Variants in SPOCK3 observed in about 807,000 individuals in gnomAD.
The protein encoded by SPOCK3 is testican-3.
A neutral mutation model predicts 56.6 loss-of-function variants in SPOCK3; 30 were observed. The ratio of observed to expected loss-of-function variants is 0.53; its 90% confidence interval spans 0.40 to 0.72. The LOEUF (loss-of-function observed/expected upper bound fraction) is 0.72, where lower values mean the gene tolerates loss of function less well. Ranked by LOEUF, SPOCK3 falls within the 30% of genes least tolerant of loss-of-function variation. The pLI is 0.00. For missense variants in SPOCK3, 527 were observed against 530.0 expected (o/e 0.99, Z 0.06); for synonymous variants, 196 against 183.3 (o/e 1.07, Z -0.56).
intron 2 of SPOCK3, among the ~76,000 whole-genome samples, chr4:167,159,125 G>T (rs116781698): frequency 6.6e-6 from 1 of 151,814 alleles, no homozygotes; most frequent in South Asian, 2.1e-4. Context: ...ATAATCTGAG[G>T]TAAGTTGTTT....
chr4:167,179,437 C>T (rs914012224), intron 2 of SPOCK3, among the ~76,000 whole-genome samples: 22 of 152,130 alleles, frequency 1.4e-4, no homozygotes, highest in Admixed American at 1.4e-3. Flanking sequence ...TAATCTACTT[C>T]CCATTCTTTC....
chr4:166,791,115 G>A (rs1400718633), intron 7 of SPOCK3, among the ~76,000 whole-genome samples: 1 of 151,766 alleles, frequency 6.6e-6, no homozygotes. Context: ...AGAAATATAT[G>A]GATTAGTCAT....
intron 7 of SPOCK3, among the ~76,000 whole-genome samples, chr4:166,783,909 C>T (rs1472690806): frequency 6.6e-6 from 1 of 151,968 alleles, no homozygotes; most frequent in Non-Finnish European, 1.5e-5. Flanking sequence ...TATGTGGTAA[C>T]ATAAAATTTT....
intron 4 of SPOCK3, among the ~76,000 whole-genome samples, chr4:166,944,617 T>C (rs1741502852): frequency 1.3e-5 from 2 of 152,192 alleles, no homozygotes; most frequent in Non-Finnish European, 2.9e-5. Flanking sequence ...AGAATGTTTC[T>C]CAGTTTGGGT....
At chr4:167,031,763 C>T (rs902787369) in intron 3 of SPOCK3, among the ~76,000 whole-genome samples, 1 of 151,928 alleles carries the variant, frequency 6.6e-6, no homozygotes, top group African/African-American at 2.4e-5. Context: ...CTTTCTTTTC[C>T]TTTAGGGATC....
intron 4 of SPOCK3, among the ~76,000 whole-genome samples, chr4:166,955,656 A>G (rs1451372135): frequency 6.8e-6 from 1 of 146,830 alleles, no homozygotes; most frequent in Non-Finnish European, 1.5e-5. Flanking sequence ...ATTATAATAT[A>G]AATTATAATA....
chr4:166,992,259 C>T (rs1485500966), intron 4 of SPOCK3, among the ~76,000 whole-genome samples: 1 of 152,060 alleles, frequency 6.6e-6, no homozygotes, highest in East Asian at 1.9e-4. Flanking sequence ...ATCTGTACTC[C>T]TTTCCATCAT....
Position 167,134,924 on chromosome 4 carries a change from T to C in SPOCK3, c.190-72387A>G, listed in dbSNP as rs527574427. 2.1e-3 allele frequency among the ~76,000 whole-genome samples: 316 copies of C among 152,128 alleles called. 1 individual carries two copies. The highest frequency in any genetic ancestry group is 7.2e-3 in the African/African-American group (299 of 41,558). ...TGTTTTCTTAGTGCATTGGTCAGCA[T>C]TATTCAATACCTTATTCCCAGTTCT... On this transcript the variant is annotated intron_variant, in intron 2 of 10. Transcript: ENST00000357545.
chr4:167,178,816 A>G (rs1731204415), intron 2 of SPOCK3, among the ~76,000 whole-genome samples: 1 of 152,182 alleles, frequency 6.6e-6, no homozygotes. Context: ...AATACAAAAT[A>G]CATACATAAT....
At chr4:167,123,116 T>C (rs1301038659) in intron 2 of SPOCK3, among the ~76,000 whole-genome samples, 2 of 151,966 alleles carry the variant, frequency 1.3e-5, no homozygotes. Flanking sequence ...CATTTTAGTC[T>C]TCAAGAAGCA....
intron 5 of SPOCK3, among the ~76,000 whole-genome samples, chr4:166,898,809 T>C (rs1735690682): frequency 6.6e-6 from 1 of 152,156 alleles, no homozygotes; most frequent in Non-Finnish European, 1.5e-5. Flanking sequence ...GTTAATTTCA[T>C]GTGTAAATCT....
At chr4:166,839,679 T>C (rs1747027405) in intron 6 of SPOCK3, among the ~76,000 whole-genome samples, 1 of 152,198 alleles carries the variant, frequency 6.6e-6, no homozygotes, top group African/African-American at 2.4e-5. Flanking sequence ...GTCCTCAAGT[T>C]CACCCTAAGC....
At chr4:166,745,877 A>G (rs977147694) in intron 8 of SPOCK3, among the ~76,000 whole-genome samples, 2 of 152,222 alleles carry the variant, frequency 1.3e-5, no homozygotes, top group Non-Finnish European at 2.9e-5. Context: ...ACAAAGATCA[A>G]AAGACAAAAA....
chr4:166,833,867 C>A (rs996446531), intron 6 of SPOCK3, among the ~76,000 whole-genome samples: 1 of 152,142 alleles, frequency 6.6e-6, no homozygotes, highest in Admixed American at 6.5e-5. Flanking sequence ...ATGTCACCTG[C>A]CCCCTCTTGG....
At chr4:167,122,208 G>C (rs13123709) in intron 2 of SPOCK3, among the ~76,000 whole-genome samples, 1 of 150,916 alleles carries the variant, frequency 6.6e-6, no homozygotes, top group Admixed American at 6.6e-5. Flanking sequence ...GAATACAGTG[G>C]TGCAAGCACA....
At chr4:167,200,982 G>A (rs1425604886) in intron 2 of SPOCK3, among the ~76,000 whole-genome samples, 3 of 151,952 alleles carry the variant, frequency 2.0e-5, no homozygotes, top group African/African-American at 4.8e-5. Flanking sequence ...TTTACCTCTT[G>A]CTGCATAGGT....
intron 6 of SPOCK3, among the ~76,000 whole-genome samples, chr4:166,841,547 T>C (rs915524909): frequency 6.6e-6 from 1 of 152,252 alleles, no homozygotes; most frequent in South Asian, 2.1e-4. Context: ...TCTTGTACTT[T>C]CTAGCTCTTA....
chr4:166,928,875 G>A (rs1315160506), intron 4 of SPOCK3, among the ~76,000 whole-genome samples: 1 of 152,162 alleles, frequency 6.6e-6, no homozygotes, highest in Non-Finnish European at 1.5e-5. Flanking sequence ...GACTGAGGCA[G>A]GAGAATCGCT....
intron 2 of SPOCK3, among the ~76,000 whole-genome samples, chr4:167,146,179 G>C (rs185150731): frequency 6.6e-6 from 1 of 152,214 alleles, no homozygotes; most frequent in East Asian, 1.9e-4. Flanking sequence ...TGATAAAACA[G>C]ACTTTAAACC....
Sources: allele counts gnomAD v4.1 joint callset (sites outside exome capture counted in the v4.1 genomes callset), GRCh38; gene constraint gnomAD v4.1.1; transcripts MANE v1.5; gene names NCBI Gene and HGNC (gene_info 2026-07-23, HGNC 2026-07-21).